ARPP21: variants seen among roughly 807,000 people sequenced by gnomAD.
ARPP21 encodes cAMP regulated phosphoprotein 21, also known as cAMP-regulated phosphoprotein 21.
In ARPP21, 69 loss-of-function variants were observed where a neutral mutation model predicts 113.2. The observed-to-expected ratio is 0.61, with a 90% CI of 0.50 to 0.74. The LOEUF is 0.74. Among genes scored for constraint, ARPP21 ranks in the 30% least tolerant of loss-of-function variants. ARPP21 has a pLI of 0.00. For missense variants in ARPP21, 1,070 were observed against 1,037.4 expected (o/e 1.03, Z -0.43); for synonymous variants, 368 against 375.5 (o/e 0.98, Z 0.23).
rs1353761768 is a variant in ARPP21, at chr3:35,709,009, A to C, written c.836A>C (p.Lys279Thr). ...CCATTTAGAGATGACAGACGAAGTA[A>C]ATCAATTGAAGAGAGAGAAGAGGAA... ...MHPFRDDRRSKSIEEREEEYQ... is the reference protein window; with the variant it reads ...MHPFRDDRRSTSIEEREEEYQ... Residue 279 changes from lysine (K) to threonine (T), a missense_variant, in exon 11 of 21, where the codon AAA becomes ACA. Physicochemically the swap from Lys to Thr is moderately conservative, Grantham distance 78. Transcript: ENST00000684406. 1 of 1,613,840 alleles carries C rather than the reference A, an allele frequency of 6.2e-7. No homozygotes were observed. The highest frequency in any genetic ancestry group is 1.7e-5 in the Admixed American group (1 of 59,996).
At chr3:35,759,267 G>C (rs1276624607) in intron 19 of ARPP21, among the ~76,000 whole-genome samples, 1 of 152,034 alleles carries the variant, frequency 6.6e-6, no homozygotes, top group Admixed American at 6.6e-5. Context: ...AGTCCTAAAT[G>C]CTCGCTATGC....
intron 5 of ARPP21, 33 bp from the exon 6 acceptor site, chr3:35,687,706 T>TGGCCC: frequency 6.3e-7 from 1 of 1,584,068 alleles, no homozygotes. Flanking sequence ...TGATTAAACC[T>TGGCCC]GGCCCTAAAT....
chr3:35,741,010 G>A (rs2094624444), intron 18 of ARPP21, among the ~76,000 whole-genome samples: 1 of 151,988 alleles, frequency 6.6e-6, no homozygotes, highest in African/African-American at 2.4e-5. Context: ...GCTGAGGTGG[G>A]AGAATCGCTT....
At chr3:35,698,148 T>C (rs1213189892) in intron 9 of ARPP21, among the ~76,000 whole-genome samples, 3 of 151,702 alleles carry the variant, frequency 2.0e-5, no homozygotes, top group African/African-American at 7.2e-5. Flanking sequence ...ACTTCGTTTT[T>C]TAATCTATAC....
intron 9 of ARPP21, among the ~76,000 whole-genome samples, chr3:35,699,361 G>T (rs2085361387): frequency 6.6e-6 from 1 of 151,646 alleles, no homozygotes; most frequent in African/African-American, 2.4e-5. Context: ...CTGTAGGGCT[G>T]ACAGTGATTT....
intron 19 of ARPP21, among the ~76,000 whole-genome samples, chr3:35,783,198 A>G (rs1056289790): frequency 6.6e-6 from 1 of 152,082 alleles, no homozygotes. Context: ...TAGTCTTCTC[A>G]ATTGGTACCC....
intron 1 of ARPP21, among the ~76,000 whole-genome samples, chr3:35,673,606 TG>T (rs1221822935): frequency 2.6e-5 from 4 of 152,006 alleles, no homozygotes; most frequent in Admixed American, 6.6e-5. Context: ...TTTTCCCTAA[TG>T]TATATATAGG....
chr3:35,642,741 T>A (rs1698591667), intron 1 of ARPP21, among the ~76,000 whole-genome samples: 1 of 152,156 alleles, frequency 6.6e-6, no homozygotes, highest in African/African-American at 2.4e-5. Flanking sequence ...AAATAACTAA[T>A]ATGCTTCTAA....
At chr3:35,682,770 C>G in intron 3 of ARPP21, 78 bp from the exon 4 acceptor site, 1 of 1,315,582 alleles carries the variant, frequency 7.6e-7, no homozygotes, top group Non-Finnish European at 1.1e-6. Flanking sequence ...TTCTTTCTCT[C>G]TCTCTCTCGG....
chr3:35,731,253 A>G (rs535620588), intron 15 of ARPP21, among the ~76,000 whole-genome samples: 2 of 152,328 alleles, frequency 1.3e-5, no homozygotes, highest in East Asian at 3.9e-4. Flanking sequence ...GTGTATGTGT[A>G]TATTATCATC....
chr3:35,670,598 C>A (rs1471235680), intron 1 of ARPP21, among the ~76,000 whole-genome samples: 2 of 152,040 alleles, frequency 1.3e-5, no homozygotes, highest in African/African-American at 4.8e-5. Flanking sequence ...CAAAGCAGGG[C>A]ATCTGGAGTC....
chr3:35,684,832 C>A (rs746369513), intron 5 of ARPP21: 485 of 979,116 alleles, frequency 5.0e-4, no homozygotes, highest in Admixed American at 5.6e-4. Context: ...TCTTTACATG[C>A]CACTCATGTC....
At chr3:35,778,419 G>A (rs572125887) in intron 19 of ARPP21, among the ~76,000 whole-genome samples, 16 of 151,464 alleles carry the variant, frequency 1.1e-4, no homozygotes, top group Non-Finnish European at 1.9e-4. Flanking sequence ...GAGAGCCAGC[G>A]AGCAGTCCTC....
At chr3:35,716,852 A>G (rs2092472026) in intron 12 of ARPP21, among the ~76,000 whole-genome samples, 1 of 152,028 alleles carries the variant, frequency 6.6e-6, no homozygotes. Flanking sequence ...CTTTAGGTTA[A>G]CAGGTCTTGA....
intron 19 of ARPP21, among the ~76,000 whole-genome samples, chr3:35,754,700 G>A (rs2095516064): frequency 6.6e-6 from 1 of 151,822 alleles, no homozygotes; most frequent in African/African-American, 2.4e-5. Context: ...AGATGGCCAG[G>A]TTCTCTCTAT....
chr3:35,705,816 T>C (rs1425987632), intron 9 of ARPP21, among the ~76,000 whole-genome samples: 2 of 152,216 alleles, frequency 1.3e-5, no homozygotes, highest in Non-Finnish European at 2.9e-5. Context: ...ATTATTCCAG[T>C]TTTTTGCTAT....
At chr3:35,715,230 C>G in intron 11 of ARPP21, 1 of 500,174 alleles carries the variant, frequency 2.0e-6, no homozygotes, top group Non-Finnish European at 3.6e-6. Context: ...TGGAGACGTC[C>G]TGAAGGAAAA....
intron 19 of ARPP21, chr3:35,744,527 T>C: frequency 1.9e-6 from 1 of 529,516 alleles, no homozygotes; most frequent in Non-Finnish European, 3.9e-6. Context: ...GTAGCAGGTC[T>C]CACAGTGAAC....
intron 9 of ARPP21, among the ~76,000 whole-genome samples, chr3:35,691,508 G>A (rs542854043): frequency 6.6e-6 from 1 of 151,504 alleles, no homozygotes; most frequent in Non-Finnish European, 1.5e-5. Flanking sequence ...TGTGTGACTT[G>A]GAGCAAGTCA....
Sources: gnomAD v4.1 joint callset for allele counts (sites outside exome capture counted in the v4.1 genomes callset) on GRCh38, gnomAD v4.1.1 for gene constraint, MANE v1.5 for transcripts, NCBI Gene and HGNC (gene_info 2026-07-23, HGNC 2026-07-21) for gene names.